HNRNPA2B1: variants seen among roughly 807,000 people sequenced by gnomAD.
HNRNPA2B1 encodes the protein heterogeneous nuclear ribonucleoproteins A2/B1.
Under a neutral mutation model 46.3 loss-of-function variants are expected in HNRNPA2B1, and 3 were observed. The ratio of observed to expected loss-of-function variants is 0.06; its 90% CI spans 0.03 to 0.17. The LOEUF (loss-of-function observed/expected upper bound fraction) is 0.17. HNRNPA2B1 is among the 10% of genes least tolerant of loss of function. HNRNPA2B1 has a pLI of 1.00. For synonymous variants in HNRNPA2B1, 225 were observed against 133.8 expected (o/e 1.68, Z -4.70); for missense variants, 221 against 418.9 (o/e 0.53, Z 4.12).
At chr7:26,197,137 A>T (rs1783733708) in intron 3 of HNRNPA2B1, 120 bp from the exon 4 acceptor site, 3 of 1,098,878 alleles carry the variant, frequency 2.7e-6, no homozygotes, top group Non-Finnish European at 3.9e-6. Context: ...GATATAAAAT[A>T]GCTTTTAGGG....
intron 7 of HNRNPA2B1, among the ~76,000 whole-genome samples, chr7:26,194,753 G>T (rs902676005): frequency 6.6e-6 from 1 of 150,736 alleles, no homozygotes; most frequent in East Asian, 1.9e-4. Context: ...ATAGAAGTGC[G>T]GACATAAACA....
Position 26,200,737 on chromosome 7 carries a change from T to C in HNRNPA2B1, c.-160A>G, listed in dbSNP as rs764966994. On this transcript the variant is annotated 5_prime_UTR_variant, in exon 1 of 11. Coordinates refer to ENST00000618183, the MANE Select transcript of HNRNPA2B1 (RefSeq NM_002137.4). ...AGCACCTCCGCACGGGACCCGGCGC[T>C]GCTGCTACTGCCGCTAGAGCCGCTG... 4.9e-5 allele frequency: 42 copies of C among 863,930 alleles called. No homozygotes were observed. Among genetic ancestry groups the C allele is most frequent in the Middle Eastern group, 2.7e-4 (1 of 3,682 alleles). The allele number at this position is 863,930 out of a possible 1,614,324, so 53.5% of individuals were successfully genotyped here. A position where few individuals can be genotyped will look rare whatever the true frequency, so the allele number is the denominator to read the frequency against.
At position 26,193,330 on chromosome 7, in the gene HNRNPA2B1, G is replaced by A. The variant is rs2128109855; in HGVS notation, c.885C>T (p.Asn295=). 2 of 1,612,288 alleles carry A rather than the reference G, an allele frequency of 1.2e-6. No homozygotes were observed. Among genetic ancestry groups the A allele is most frequent in the Non-Finnish European group, 1.7e-6 (2 of 1,178,492 alleles). ...SGNYNDFGNY[N]QQPSNYGPMK... The stretch of plus-strand genomic sequence containing the variant: ...TTGGACCGTAGTTAGAAGGTTGCTG[G>A]TTATAATTTCCAAAATCATTGTAAT... The change falls in exon 9 of 11, where the codon AAC becomes AAT. Residue 295 remains asparagine (N), a synonymous_variant. Coordinates refer to ENST00000618183, the MANE Select transcript of HNRNPA2B1 (RefSeq NM_002137.4).
At chr7:26,192,623 C>A in intron 9 of HNRNPA2B1, 46 bp from the exon 10 acceptor site, 2 of 1,486,644 alleles carry the variant, frequency 1.3e-6, no homozygotes, top group Non-Finnish European at 1.9e-6. Context: ...ACTTTGATTT[C>A]CCATGATCAG....
At position 26,197,609 on chromosome 7, in the gene HNRNPA2B1, G is replaced by A. The variant is rs201523113; in HGVS notation, c.117+13C>T. 6.1e-4 allele frequency: 974 copies of A among 1,594,762 alleles called. No homozygotes were observed. The highest frequency in any genetic ancestry group is 7.6e-4 in the Non-Finnish European group (880 of 1,163,364). On this transcript the variant is annotated intron_variant, in intron 2 of 10. Transcript: ENST00000618183. ...AAGACTAATATCCAGTAACAATTCAGTAATTTACATACCACACAGTCTGTA... is the reference window on the plus strand; with the variant it reads ...AAGACTAATATCCAGTAACAATTCAATAATTTACATACCACACAGTCTGTA...
intron 1 of HNRNPA2B1, 53 bp downstream of exon 1, chr7:26,200,519 C>A: frequency 1.9e-6 from 3 of 1,600,182 alleles, no homozygotes; most frequent in Non-Finnish European, 2.6e-6. Flanking sequence ...CACTGAGGCG[C>A]CAACGGCCTC....
chr7:26,195,875 G>C lies in HNRNPA2B1; in HGVS notation c.693C>G (p.Gly231=). ...GYGSGRGFGD[G]YNGYGGGPGG... ...CAGGTCCTCCTCCATACCCATTATA[G>C]CCATCCCCAAATCCACGTCCACTGC... The change falls in exon 7 of 11, where the codon GGC becomes GGG. Residue 231 remains glycine, a synonymous_variant. Transcript: ENST00000618183. 1 of 1,610,474 alleles carries C rather than the reference G, an allele frequency of 6.2e-7. No homozygotes were observed.
intron 4 of HNRNPA2B1, 70 bp downstream of exon 4, chr7:26,196,737 T>G (rs1783688030): frequency 3.2e-6 from 5 of 1,562,838 alleles, no homozygotes; most frequent in Non-Finnish European, 4.4e-6. Context: ...TTCAATAAAG[T>G]TACAGATGTT....
Position 26,190,871 on chromosome 7 carries a change from A to C in HNRNPA2B1, c.*1489T>G. ...TACAGTTACAACCATAAATACAACAAATGTCTTTAATAAAAACCCCTAGTT... is the reference window on the plus strand; with the variant it reads ...TACAGTTACAACCATAAATACAACACATGTCTTTAATAAAAACCCCTAGTT... On this transcript the variant is annotated 3_prime_UTR_variant, in exon 11 of 11. Transcript: ENST00000618183. The C allele has an allele frequency of 6.6e-6, 1 of 152,572 alleles. No individual in the cohort carries two copies. Among genetic ancestry groups the C allele is most frequent in the South Asian group, 2.1e-4 (1 of 4,826 alleles). 9.5% of individuals were successfully genotyped at this position (152,572 alleles called of 1,614,324 possible).
At chr7:26,196,329 ACT>A in intron 6 of HNRNPA2B1, 70 bp downstream of exon 6, 1 of 1,228,408 alleles carries the variant, frequency 8.1e-7, no homozygotes, top group Non-Finnish European at 1.2e-6. Context: ...TCTTGATTCT[ACT>A]AATGAAAACC....
At chr7:26,196,756 C>T (rs763227925) in intron 4 of HNRNPA2B1, 51 bp downstream of exon 4, 4 of 1,576,568 alleles carry the variant, frequency 2.5e-6, no homozygotes, top group East Asian at 4.5e-5. Flanking sequence ...TTAACATACA[C>T]AAAATTGAAT....
In HNRNPA2B1 at chr7:26,191,370, G is replaced by C. The variant is rs1782905101; in HGVS notation, c.*990C>G. ...ACTGAAAGACCATTTAAGAGTATTA[G>C]TTTATCTTTTAGGGAGGAAAATTAA... On this transcript the variant is annotated 3_prime_UTR_variant, in exon 11 of 11. Transcript: ENST00000618183. 6.6e-6 allele frequency: 1 copy of C among 152,106 alleles called. No homozygotes were observed. 9.4% of individuals were successfully genotyped at this position (152,106 alleles called of 1,614,324 possible).
In HNRNPA2B1 at chr7:26,193,706, T is replaced by G; in HGVS notation, c.722-12A>C. The G allele has an allele frequency of 6.2e-7, 1 of 1,605,492 alleles. No individual in the cohort carries two copies. ...TCCAAAATTGCCACCTATTATAAAA[T>G]AAGCCTTTAAGTAATCACTTAATAT... On this transcript the variant is annotated splice_polypyrimidine_tract_variant and intron_variant, in intron 7 of 10. Coordinates refer to ENST00000618183, the MANE Select transcript of HNRNPA2B1 (RefSeq NM_002137.4).
At chr7:26,199,733 C>T (rs981997743) in intron 1 of HNRNPA2B1, 2 of 152,088 alleles carry the variant, frequency 1.3e-5, no homozygotes, top group African/African-American at 4.8e-5. Flanking sequence ...GACTGCAGAC[C>T]CAGATAAAAC....
rs2128110679 is a variant in HNRNPA2B1 at position 26,193,637 on chromosome 7, C to G, written c.779G>C (p.Gly260Ala). 2 of 1,612,378 alleles carry G rather than the reference C, an allele frequency of 1.2e-6. No individual in the cohort carries two copies. Among genetic ancestry groups the G allele is most frequent in the Non-Finnish European group, 1.7e-6 (2 of 1,179,182 alleles). Residue 260 changes from glycine (G) to alanine (A), a missense_variant, in exon 8 of 11, where the codon GGA becomes GCA. Coordinates refer to ENST00000618183, the MANE Select transcript of HNRNPA2B1 (RefSeq NM_002137.4). ...YGGGRGGYGG[G>A]GPGYGNQGGG... ...ACCCTGGTTGCCATATCCAGGTCCT[C>G]CACCACCATATCCTCCTCTTCCTCC...
chr7:26,196,511 C>T, intron 5 of HNRNPA2B1, 30 bp from the exon 6 acceptor site: 1 of 1,613,200 alleles, frequency 6.2e-7, no homozygotes, highest in Middle Eastern at 1.7e-4. Context: ...TAGAAGCAAG[C>T]CCTTATATAT....
At chr7:26,197,110 C>A (rs1783728726) in intron 3 of HNRNPA2B1, 93 bp from the exon 4 acceptor site, 1 of 1,145,404 alleles carries the variant, frequency 8.7e-7, no homozygotes, top group African/African-American at 1.6e-5. Context: ...TCGCTTGTAT[C>A]CACCTTAAAA....
At chr7:26,196,522 G>C (rs1489426576) in intron 5 of HNRNPA2B1, 35 bp downstream of exon 5, 11 of 1,611,876 alleles carry the variant, frequency 6.8e-6, no homozygotes, top group South Asian at 1.1e-5. Flanking sequence ...CCTTATATAT[G>C]AACAAAAATA....
At chr7:26,196,077 T>C (rs937964470) in intron 6 of HNRNPA2B1, among the ~76,000 whole-genome samples, 168 bp from the exon 7 acceptor site, 8 of 152,234 alleles carry the variant, frequency 5.3e-5, no homozygotes, top group Admixed American at 2.0e-4. Context: ...TAATTAAATC[T>C]ACCGCCTAAA....
Sources: allele counts gnomAD v4.1 joint callset (sites outside exome capture counted in the v4.1 genomes callset), GRCh38; gene constraint gnomAD v4.1.1; transcripts MANE v1.5; gene names NCBI Gene and HGNC (gene_info 2026-07-23, HGNC 2026-07-21).